Variants in PADI3 observed in about 807,000 individuals in gnomAD.
PADI3 encodes protein-arginine deiminase type-3.
In PADI3, 53 loss-of-function variants were observed where a neutral mutation model predicts 71.5. The observed-to-expected ratio is 0.74, with a 90% CI of 0.59 to 0.93. The LOEUF (loss-of-function observed/expected upper bound fraction) is 0.93, where lower values mean the gene tolerates loss of function less well. PADI3 is among the 40% of genes least tolerant of loss of function. PADI3 has a pLI of 0.00. For missense variants in PADI3, 821 were observed against 868.0 expected, an observed-to-expected ratio of 0.95 and a Z score of 0.68; for synonymous variants, 361 against 347.5, an observed-to-expected ratio of 1.04 and a Z score of -0.43.
At chr1:17,277,076 G>A (rs1489877180) in intron 13 of PADI3, among the ~76,000 whole-genome samples, 200 bp downstream of exon 13, 1 of 152,234 alleles carries the variant, frequency 6.6e-6, no homozygotes, top group African/African-American at 2.4e-5. Flanking sequence ...GGTGGGAAGC[G>A]GGGTGATAGA....
At chr1:17,261,146 A>G (rs564300166) in intron 2 of PADI3, among the ~76,000 whole-genome samples, 1 of 152,316 alleles carries the variant, frequency 6.6e-6, no homozygotes, top group East Asian at 1.9e-4. Context: ...AGATTCGGAC[A>G]TGAGAAGCAG....
chr1:17,281,155 T>A (rs1222705232), intron 15 of PADI3, among the ~76,000 whole-genome samples: 3 of 152,258 alleles, frequency 2.0e-5, no homozygotes, highest in South Asian at 2.1e-4. Context: ...TCTTCATCCA[T>A]CCCACATGTA....
At chr1:17,282,324 C>T (rs867971308) in intron 15 of PADI3, among the ~76,000 whole-genome samples, 2 of 152,206 alleles carry the variant, frequency 1.3e-5, no homozygotes, top group African/African-American at 4.8e-5. Flanking sequence ...CATTCTCTCT[C>T]TTTCTCTCAC....
At chr1:17,250,715 G>T (rs2072955797) in intron 1 of PADI3, among the ~76,000 whole-genome samples, 1 of 152,200 alleles carries the variant, frequency 6.6e-6, no homozygotes. Flanking sequence ...CTGCCACTTG[G>T]CACCACTGCC....
Position 17,270,927 on chromosome 1 carries a change from G to A in PADI3, c.880G>A (p.Ala294Thr). 6.2e-7 allele frequency: 1 copy of A among 1,614,080 alleles called. No homozygotes were observed. The highest frequency in any genetic ancestry group is 1.1e-5 in the South Asian group (1 of 91,076). The change falls in exon 8 of 16, where the codon GCA becomes ACA. Residue 294 changes from alanine (A) to threonine (T), a missense_variant. Physicochemically the swap from Ala to Thr is moderately conservative, Grantham distance 58. Transcript: ENST00000375460. ...CACTGACACTGTGGTGTTCCGAGTG[G>A]CACCCTGGATCATGACGCCCAGCAC... Reference protein sequence around the residue: ...IFTDTVVFRVAPWIMTPSTLP... With the variant: ...IFTDTVVFRVTPWIMTPSTLP...
At chr1:17,259,798 G>A (rs1289609684) in intron 2 of PADI3, 40 bp downstream of exon 2, 1 of 1,545,406 alleles carries the variant, frequency 6.5e-7, no homozygotes, top group Non-Finnish European at 8.8e-7. Context: ...GGTTTCGAGG[G>A]AGGCAGCTGT....
chr1:17,280,834 C>G, intron 15 of PADI3, 38 bp downstream of exon 15: 1 of 1,608,612 alleles, frequency 6.2e-7, no homozygotes, highest in Non-Finnish European at 8.5e-7. Context: ...CCAAATCAGG[C>G]TGCAAACCTC....
At chr1:17,256,989 A>T (rs536985425) in intron 1 of PADI3, among the ~76,000 whole-genome samples, 1 of 131,032 alleles carries the variant, frequency 7.6e-6, no homozygotes, top group Non-Finnish European at 1.6e-5. Flanking sequence ...CCAAGATTGC[A>T]CCACTGCACT....
chr1:17,265,346 C>T lies in PADI3; in HGVS notation c.347-313C>T, dbSNP rs532152483. Among the ~76,000 whole-genome samples the T allele has an allele frequency of 3.9e-5, 6 of 152,142 alleles. No individual in the cohort carries two copies. In the South Asian group the frequency reaches 1.0e-3, roughly 26 times the overall value. ...AGGAGATGAGGCAGCTTTATATAGA[C>T]AAGAATGTTCCTGGAGACCTGGGCT... is the stretch of plus-strand genomic sequence containing the variant. On this transcript the variant is annotated intron_variant, in intron 3 of 15. Coordinates refer to ENST00000375460, the MANE Select transcript of PADI3 (RefSeq NM_016233.2).
chr1:17,267,543 C>T (rs928311054), intron 5 of PADI3, among the ~76,000 whole-genome samples: 5 of 152,234 alleles, frequency 3.3e-5, no homozygotes, highest in Admixed American at 6.5e-5. Context: ...CCCTTACCTG[C>T]ACGACGCCCA....
chr1:17,253,876 A>T (rs1191519199), intron 1 of PADI3, among the ~76,000 whole-genome samples: 1 of 152,186 alleles, frequency 6.6e-6, no homozygotes, highest in Admixed American at 6.5e-5. Context: ...CAGTTTCCCC[A>T]TATGGACCCT....
chr1:17,274,210 G>C (rs2073293964), intron 10 of PADI3, among the ~76,000 whole-genome samples: 1 of 144,932 alleles, frequency 6.9e-6, no homozygotes, highest in Admixed American at 6.8e-5. Context: ...CCCTTCTCTA[G>C]AGTTCAAAGA....
rs189390153 is a variant in PADI3 at position 17,250,526 on chromosome 1, A to G, written c.92+1297A>G. On this transcript the variant is annotated intron_variant, in intron 1 of 15. Transcript: ENST00000375460. Reference sequence around the variant, plus strand: ...CGATGGGGTTGATCCAGGGCATTGGATGAGAGGGGGTGAGGAGCTGGTCAT... The same window carrying G: ...CGATGGGGTTGATCCAGGGCATTGGGTGAGAGGGGGTGAGGAGCTGGTCAT... Among the ~76,000 whole-genome samples, 460 of 152,216 alleles carry G rather than the reference A, an allele frequency of 3.0e-3. 3 individuals carry two copies. Among genetic ancestry groups the G allele is most frequent in the African/African-American group, 0.01 (427 of 41,532 alleles).
Position 17,265,724 on chromosome 1 carries a change from AGCATCTCT to A in PADI3, c.408+7_408+14del, listed in dbSNP as rs1172461560. 3 of 1,613,922 alleles carry A rather than the reference AGCATCTCT, an allele frequency of 1.9e-6. No individual in the cohort carries two copies. The highest frequency in any genetic ancestry group is 2.5e-6 in the Non-Finnish European group (3 of 1,179,774). On this transcript the variant is annotated splice_donor_5th_base_variant and intron_variant, in intron 4 of 15. Coordinates refer to ENST00000375460, the MANE Select transcript of PADI3 (RefSeq NM_016233.2). ...GGACAGGAACTTTGTAGACAAGGTA[AGCATCTCT>A]GCCTGGGCCCAGGAAGCAGGAGTGC... is the stretch of plus-strand genomic sequence containing the variant.
chr1:17,255,707 C>T (rs1421256819), intron 1 of PADI3, among the ~76,000 whole-genome samples: 6 of 152,198 alleles, frequency 3.9e-5, no homozygotes, highest in Non-Finnish European at 5.9e-5. Flanking sequence ...CTTCTAGTCA[C>T]TTATCTTCTG....
At chr1:17,281,239 G>T (rs560915031) in intron 15 of PADI3, among the ~76,000 whole-genome samples, 2 of 152,292 alleles carry the variant, frequency 1.3e-5, no homozygotes, top group East Asian at 3.9e-4. Context: ...CAGTCTAATC[G>T]GTTGAGAGGG....
chr1:17,274,271 T>A (rs1253753165), intron 10 of PADI3, among the ~76,000 whole-genome samples: 1 of 152,162 alleles, frequency 6.6e-6, no homozygotes, highest in Non-Finnish European at 1.5e-5. Flanking sequence ...AATTGGCCAC[T>A]TGAGCTGCTA....
At position 17,259,868 on chromosome 1, in the gene PADI3, A is replaced by G. The variant is rs1557500465; in HGVS notation, c.273+110A>G. On this transcript the variant is annotated intron_variant, in intron 2 of 15. Coordinates refer to ENST00000375460, the MANE Select transcript of PADI3 (RefSeq NM_016233.2). ...AGAGCGCAGGGCAACACAGTGGGTA[A>G]GTGCCTGGCCTTGGAGCCATACTGC... 3 of 909,076 alleles carry G rather than the reference A, an allele frequency of 3.3e-6. No individual in the cohort carries two copies. In the South Asian group the frequency reaches 5.8e-5, roughly 17 times the overall value. 56.3% of individuals were successfully genotyped at this position (909,076 alleles called of 1,614,324 possible). A position where few individuals can be genotyped will look rare whatever the true frequency, so the allele number is the denominator to read the frequency against.
intron 15 of PADI3, among the ~76,000 whole-genome samples, chr1:17,281,324 G>A (rs1428516640): frequency 6.6e-6 from 1 of 152,244 alleles, no homozygotes; most frequent in Non-Finnish European, 1.5e-5. Context: ...GTTTGGAGGT[G>A]AGACAAAGCA....
Sources: gnomAD v4.1 joint callset for allele counts (sites outside exome capture counted in the v4.1 genomes callset) on GRCh38, gnomAD v4.1.1 for gene constraint, MANE v1.5 for transcripts, NCBI Gene and HGNC (gene_info 2026-07-23, HGNC 2026-07-21) for gene names.